Variants in MMP16 observed in about 807,000 individuals in gnomAD.
MMP16 encodes the protein matrix metallopeptidase 16, also known as matrix metalloproteinase-16.
A neutral mutation model predicts 67.8 loss-of-function variants in MMP16; 12 were observed. The ratio of observed to expected loss-of-function variants is 0.18; its 90% confidence interval spans 0.11 to 0.29. The LOEUF (loss-of-function observed/expected upper bound fraction) is 0.29. MMP16 is among the 10% of genes least tolerant of loss of function. The pLI, the probability that MMP16 is intolerant of heterozygous loss-of-function variation, is 1.00. For missense variants in MMP16, 475 were observed against 765.7 expected, an observed-to-expected ratio of 0.62 and a Z score of 4.48; for synonymous variants, 249 against 255.9, an observed-to-expected ratio of 0.97 and a Z score of 0.26.
chr8:88,205,584 G>A (rs1015406488), intron 1 of MMP16, among the ~76,000 whole-genome samples: 20 of 152,128 alleles, frequency 1.3e-4, no homozygotes, highest in Non-Finnish European at 1.5e-5. Flanking sequence ...TTATTTCTAT[G>A]CTAGAGTATT....
intron 1 of MMP16, among the ~76,000 whole-genome samples, chr8:88,234,393 C>A (rs953242127): frequency 2.0e-5 from 3 of 152,122 alleles, no homozygotes; most frequent in African/African-American, 7.2e-5. Context: ...TGATACAATC[C>A]AAATCAAGTG....
rs1308904864 is a variant in MMP16 at position 88,203,784 on chromosome 8, T to C, written c.133-6478A>G. Among the ~76,000 whole-genome samples the C allele has an allele frequency of 2.0e-5, 3 of 152,204 alleles. No homozygotes were observed. The East Asian group carries it at 5.8e-4, about 29-fold the overall frequency. On this transcript the variant is annotated intron_variant, in intron 1 of 9. Coordinates refer to ENST00000286614, the MANE Select transcript of MMP16 (RefSeq NM_005941.5). ...TTCATAGCAAGGTACTTATAAGTTGTCAAACTTAAATGAGTTATGTATTTT... is the reference window on the plus strand; with the variant it reads ...TTCATAGCAAGGTACTTATAAGTTGCCAAACTTAAATGAGTTATGTATTTT...
At chr8:88,297,513 C>A (rs1026522074) in intron 1 of MMP16, among the ~76,000 whole-genome samples, 1 of 152,174 alleles carries the variant, frequency 6.6e-6, no homozygotes, top group Non-Finnish European at 1.5e-5. Flanking sequence ...GGACTAAGGA[C>A]TTGATCATTA....
intron 6 of MMP16, among the ~76,000 whole-genome samples, chr8:88,100,598 A>G (rs932925232): frequency 6.6e-6 from 1 of 152,050 alleles, no homozygotes; most frequent in African/African-American, 2.4e-5. Context: ...AAACAGAAAC[A>G]CCATTTTACC....
At position 88,032,836 on chromosome 8, in the gene MMP16, CAGA is replaced by C. The variant is rs1260305907; in HGVS notation, c.*8622_*8624del. 12 of 152,020 alleles carry C rather than the reference CAGA, an allele frequency of 7.9e-5. No individual in the cohort carries two copies. Among genetic ancestry groups the C allele is most frequent in the Non-Finnish European group, 1.8e-4 (12 of 67,976 alleles). The allele number at this position is 152,020 out of a possible 1,614,324, so 9.4% of individuals were successfully genotyped here. A position where few individuals can be genotyped will look rare whatever the true frequency, so the allele number is the denominator to read the frequency against. On this transcript the variant is annotated 3_prime_UTR_variant, in exon 10 of 10. Transcript: ENST00000286614. ...TGTTATTTATTTCTTTCCTTGCACACAGAAGACTACATATTATCAAGAACTTAA... is the reference window on the plus strand; with the variant it reads ...TGTTATTTATTTCTTTCCTTGCACACAGACTACATATTATCAAGAACTTAA...
At chr8:88,217,578 A>G (rs1809614738) in intron 1 of MMP16, among the ~76,000 whole-genome samples, 1 of 151,732 alleles carries the variant, frequency 6.6e-6, no homozygotes, top group Non-Finnish European at 1.5e-5. Context: ...TCTTAAACCT[A>G]CTCAGTTATA....
intron 1 of MMP16, among the ~76,000 whole-genome samples, chr8:88,245,707 G>C (rs1810103588): frequency 6.6e-6 from 1 of 152,096 alleles, no homozygotes; most frequent in Non-Finnish European, 1.5e-5. Context: ...GCAAATTTCA[G>C]GTGTTCAGCA....
chr8:88,265,625 T>C (rs571798610), intron 1 of MMP16, among the ~76,000 whole-genome samples: 9 of 152,168 alleles, frequency 5.9e-5, no homozygotes, highest in Admixed American at 2.0e-4. Context: ...TGTGATTATG[T>C]TTCCAGCATA....
intron 8 of MMP16, among the ~76,000 whole-genome samples, chr8:88,051,649 T>C (rs2118214184): frequency 6.6e-6 from 1 of 152,310 alleles, no homozygotes; most frequent in East Asian, 1.9e-4. Context: ...AATTACTTTG[T>C]AAACATAACA....
intron 3 of MMP16, among the ~76,000 whole-genome samples, chr8:88,181,133 G>T (rs1280223767): frequency 6.6e-6 from 1 of 151,852 alleles, no homozygotes; most frequent in Non-Finnish European, 1.5e-5. Flanking sequence ...AAAAGCCAAT[G>T]AGTTCCGTTC....
intron 6 of MMP16, among the ~76,000 whole-genome samples, chr8:88,109,935 T>C (rs2118407728): frequency 6.6e-6 from 1 of 151,392 alleles, no homozygotes; most frequent in Middle Eastern, 3.4e-3. Context: ...TAGGGAATTG[T>C]CTTGCCTATA....
At chr8:88,224,258 T>C (rs1029495735) in intron 1 of MMP16, among the ~76,000 whole-genome samples, 5 of 152,056 alleles carry the variant, frequency 3.3e-5, no homozygotes, top group African/African-American at 4.8e-5. Context: ...TCCAGTTTAA[T>C]CTTAATACCT....
At chr8:88,070,516 G>A (rs988871948) in intron 7 of MMP16, among the ~76,000 whole-genome samples, 23 of 152,104 alleles carry the variant, frequency 1.5e-4, no homozygotes, top group African/African-American at 4.8e-4. Context: ...TTATAGACAT[G>A]AGCTGACCAA....
At chr8:88,321,694 A>G (rs866071311) in intron 1 of MMP16, among the ~76,000 whole-genome samples, 4 of 152,168 alleles carry the variant, frequency 2.6e-5, no homozygotes, top group African/African-American at 9.7e-5. Context: ...TTACAGGGTC[A>G]ATATTGCATT....
At chr8:88,239,368 T>C (rs1411601855) in intron 1 of MMP16, among the ~76,000 whole-genome samples, 1 of 151,196 alleles carries the variant, frequency 6.6e-6, no homozygotes. Flanking sequence ...AACAGGTTAG[T>C]ATAAAATATC....
At chr8:88,169,693 C>A in intron 3 of MMP16, among the ~76,000 whole-genome samples, 1 of 152,024 alleles carries the variant, frequency 6.6e-6, no homozygotes, top group East Asian at 1.9e-4. Context: ...GAAGAAATGG[C>A]AAGTGAAAGG....
chr8:88,209,796 C>G (rs951715558), intron 1 of MMP16, among the ~76,000 whole-genome samples: 1 of 152,142 alleles, frequency 6.6e-6, no homozygotes, highest in African/African-American at 2.4e-5. Flanking sequence ...TAGAATGTAG[C>G]ATTTTTAAGA....
At chr8:88,098,114 C>T (rs939525668) in intron 6 of MMP16, among the ~76,000 whole-genome samples, 3 of 151,918 alleles carry the variant, frequency 2.0e-5, no homozygotes, top group African/African-American at 7.2e-5. Context: ...TCACTGAAAA[C>T]TATTATGCTC....
chr8:88,317,610 T>C (rs1811393592), intron 1 of MMP16, among the ~76,000 whole-genome samples: 2 of 152,294 alleles, frequency 1.3e-5, no homozygotes, highest in South Asian at 4.1e-4. Flanking sequence ...CTGAGGTATG[T>C]TTTTACTTCC....
Sources: allele counts gnomAD v4.1 joint callset (sites outside exome capture counted in the v4.1 genomes callset), GRCh38; gene constraint gnomAD v4.1.1; transcripts MANE v1.5; gene names NCBI Gene and HGNC (gene_info 2026-07-23, HGNC 2026-07-21).